Variants in WDR6 observed in about 807,000 individuals in gnomAD.
The protein encoded by WDR6 is WD repeat domain 6, also known as tRNA (34-2'-O)-methyltransferase regulator WDR6.
Under a neutral mutation model 85.6 loss-of-function variants are expected in WDR6, and 58 were observed. The observed-to-expected ratio is 0.68, with a 90% CI of 0.55 to 0.84. WDR6 has a LOEUF of 0.84. Among genes scored for constraint, WDR6 ranks in the 40% least tolerant of loss-of-function variants. The pLI, the probability that WDR6 is intolerant of heterozygous loss-of-function variation, is 0.00. For synonymous variants in WDR6, 569 were observed against 582.2 expected (o/e 0.98, Z 0.33); for missense variants, 1,310 against 1,476.4 (o/e 0.89, Z 1.85).
Position 49,014,805 on chromosome 3 carries a change from C to CCCT in WDR6, c.2903-18_2903-16dup, listed in dbSNP as rs2093042277. Reference sequence around the variant, plus strand: ...GTGGCAGGCGGGGCCCTGACAACTACCCTCTTCCTCTTCCTTCAGGGCTTG... The same window carrying CCCT: ...GTGGCAGGCGGGGCCCTGACAACTACCCTCCTCTTCCTCTTCCTTCAGGGCTTG... On this transcript the variant is annotated intron_variant, in intron 5 of 5. Coordinates refer to ENST00000608424, the MANE Select transcript of WDR6 (RefSeq NM_018031.6). The surrounding 1 kb of genome is among the most constrained non-coding windows in gnomAD (Gnocchi z 4.9). The CCCT allele has an allele frequency of 6.2e-7, 1 of 1,601,642 alleles. No individual in the cohort carries two copies. Among genetic ancestry groups the CCCT allele is most frequent in the African/African-American group, 1.3e-5 (1 of 74,846 alleles).
chr3:49,011,623 G>A lies in WDR6; in HGVS notation c.101-12G>A. Reference sequence around the variant, plus strand: ...GTACCTAGCTCTGACATGGCTCTTTGCCTCTATCTAGGTGAGGGTCCCGAT... The same window carrying A: ...GTACCTAGCTCTGACATGGCTCTTTACCTCTATCTAGGTGAGGGTCCCGAT... On this transcript the variant is annotated splice_polypyrimidine_tract_variant and intron_variant, in intron 1 of 5. Coordinates refer to ENST00000608424, the MANE Select transcript of WDR6 (RefSeq NM_018031.6). The A allele has an allele frequency of 1.9e-6, 3 of 1,612,558 alleles. No individual in the cohort carries two copies. Among genetic ancestry groups the A allele is most frequent in the South Asian group, 1.1e-5 (1 of 91,036 alleles).
intron 1 of WDR6, among the ~76,000 whole-genome samples, chr3:49,008,570 G>C (rs1409352258): frequency 6.6e-6 from 1 of 152,160 alleles, no homozygotes; most frequent in Non-Finnish European, 1.5e-5. Flanking sequence ...CTGGCAAGAG[G>C]GTAAGCATGC....
At position 49,015,560 on chromosome 3, in the gene WDR6, A is replaced by G. The variant is rs749238169; in HGVS notation, c.*272A>G. The G allele has an allele frequency of 5.0e-6, 8 of 1,608,658 alleles. No homozygotes were observed. Among genetic ancestry groups the G allele is most frequent in the Admixed American group, 1.7e-5 (1 of 58,516 alleles). On this transcript the variant is annotated 3_prime_UTR_variant, in exon 6 of 6. Coordinates refer to ENST00000608424, the MANE Select transcript of WDR6 (RefSeq NM_018031.6). ...TTTTCCAGTTGATGACTTTGTGAACATTCCCAGGTATTGGAGCCTCTGTGG... is the reference window on the plus strand; with the variant it reads ...TTTTCCAGTTGATGACTTTGTGAACGTTCCCAGGTATTGGAGCCTCTGTGG...
At position 49,015,928 on chromosome 3, in the gene WDR6, G is replaced by C. The variant is rs1330480783; in HGVS notation, c.*640G>C. On this transcript the variant is annotated 3_prime_UTR_variant, in exon 6 of 6. Transcript: ENST00000608424. ...CTCTTTGCTCTTGTGCCCCAGGCCA[G>C]AATAAAGAATAGAGTGTAGAGTGTC... 4.3e-6 allele frequency: 7 copies of C among 1,614,168 alleles called. No homozygotes were observed. The highest frequency in any genetic ancestry group is 1.3e-5 in the African/African-American group (1 of 75,032).
rs144810327 is a variant in WDR6, at chr3:49,014,952, C to T, written c.3030C>T (p.Phe1010=). The change falls in exon 6 of 6, where the codon TTC becomes TTT. Residue 1010 remains phenylalanine (F), a synonymous_variant. Transcript: ENST00000608424. The surrounding 1 kb of genome is among the most constrained non-coding windows in gnomAD (Gnocchi z 4.9). ...GTGAAGATGGATCCCTCCATGTCTTCGTGCTTGCTGTGGAGATGCTACAGC... is the reference window on the plus strand; with the variant it reads ...GTGAAGATGGATCCCTCCATGTCTTTGTGCTTGCTGTGGAGATGCTACAGC... ...SGSEDGSLHV[F]VLAVEMLQLE... is the part of the protein sequence containing the mutation. The T allele has an allele frequency of 1.1e-5, 17 of 1,614,038 alleles. No homozygotes were observed. Among genetic ancestry groups the T allele is most frequent in the African/African-American group, 2.7e-5 (2 of 74,920 alleles).
chr3:49,014,603 G>T lies in WDR6; in HGVS notation c.2787G>T (p.Arg929Ser). Reference protein sequence around the residue: ...FTHEAPNQRRRLLLCSAATDG... With the variant: ...FTHEAPNQRRSLLLCSAATDG... Reference sequence around the variant, plus strand: ...GCTGTCTTTTCCTGGCTCTCAGGAGGCTCCTCCTGTGCAGCGCAGCTACTG... The same window carrying T: ...GCTGTCTTTTCCTGGCTCTCAGGAGTCTCCTCCTGTGCAGCGCAGCTACTG... Residue 929 changes from arginine (R) to serine (S), a missense_variant, in exon 5 of 6, where the codon AGG (arginine) becomes AGT (serine). Transcript: ENST00000608424. The surrounding 1 kb of genome is among the most constrained non-coding windows in gnomAD (Gnocchi z 4.9). 2 of 1,613,516 alleles carry T rather than the reference G, an allele frequency of 1.2e-6. No homozygotes were observed. Among genetic ancestry groups the T allele is most frequent in the Non-Finnish European group, 8.5e-7 (1 of 1,179,956 alleles).
At position 49,013,065 on chromosome 3, in the gene WDR6, C is replaced by G; in HGVS notation, c.1531C>G (p.Arg511Gly). The change falls in exon 2 of 6, where the codon CGC (arginine) becomes GGC (glycine). Residue 511 changes from arginine (R) to glycine (G), a missense_variant. Transcript: ENST00000608424. This position sits in a 1 kb window ranked among gnomAD's most constrained non-coding sequence, Gnocchi z 4.6. The stretch of plus-strand genomic sequence containing the variant: ...AGGTGACTTCCTGGTGTGTGGTGAC[C>G]GCCGGGGCTCTGTGCTGCTATTCCC... ...PPGDFLVCGDRRGSVLLFPSR... is the reference protein window; with the variant it reads ...PPGDFLVCGDGRGSVLLFPSR... 2 of 1,611,200 alleles carry G rather than the reference C, an allele frequency of 1.2e-6. No individual in the cohort carries two copies. Among genetic ancestry groups the G allele is most frequent in the Middle Eastern group, 1.7e-4 (1 of 6,052 alleles).
In WDR6 at chr3:49,014,782, G is replaced by C. The variant is rs765411882; in HGVS notation, c.2903-43G>C. On this transcript the variant is annotated intron_variant, in intron 5 of 5. Coordinates refer to ENST00000608424, the MANE Select transcript of WDR6 (RefSeq NM_018031.6). This position sits in a 1 kb window ranked among gnomAD's most constrained non-coding sequence, Gnocchi z 4.9. ...CCTGTCACATAGCCCTCACACATGT[G>C]GCAGGCGGGGCCCTGACAACTACCC... 1 of 1,605,070 alleles carries C rather than the reference G, an allele frequency of 6.2e-7. No individual in the cohort carries two copies. Among genetic ancestry groups the C allele is most frequent in the Non-Finnish European group, 8.5e-7 (1 of 1,174,232 alleles).
intron 1 of WDR6, among the ~76,000 whole-genome samples, chr3:49,010,887 G>T (rs2093010662): frequency 6.6e-6 from 1 of 150,414 alleles, no homozygotes; most frequent in South Asian, 2.1e-4. Context: ...TGTGGTGGTG[G>T]GCGCCTGTAA....
In WDR6 at chr3:49,013,724, G is replaced by A; in HGVS notation, c.2190G>A (p.Leu730=). The A allele has an allele frequency of 3.7e-6, 6 of 1,614,080 alleles. No individual in the cohort carries two copies. The highest frequency in any genetic ancestry group is 5.1e-6 in the Non-Finnish European group (6 of 1,179,942). Residue 730 remains leucine (L), a synonymous_variant, in exon 2 of 6, where the codon CTG becomes CTA. Transcript: ENST00000608424. The surrounding 1 kb of genome is among the most constrained non-coding windows in gnomAD (Gnocchi z 4.6). ...GVPSFMQPDD[L]EPGSEGPDLT... ...CCAGCTTCATGCAGCCTGATGACCT[G>A]GAGCCTGGCAGTGAGGGGCCCGACT...
In WDR6 at chr3:49,011,724, C is replaced by G; in HGVS notation, c.190C>G (p.Leu64Val). The G allele has an allele frequency of 1.9e-6, 3 of 1,614,214 alleles. No homozygotes were observed. In the South Asian group the frequency reaches 3.3e-5, roughly 18 times the overall value. ...AGTGCAGAACCTGCTTGGCCACTATCTTATCCATGGCTTCCGGGTACGGCC... is the reference window on the plus strand; with the variant it reads ...AGTGCAGAACCTGCTTGGCCACTATGTTATCCATGGCTTCCGGGTACGGCC... ...KRVQNLLGHY[L>V]IHGFRVRPEP... The change falls in exon 2 of 6, where the codon CTT (leucine) becomes GTT (valine). Residue 64 changes from leucine (L) to valine (V), a missense_variant. Transcript: ENST00000608424.
In WDR6 at chr3:49,015,712, AAG is replaced by A; in HGVS notation, c.*428_*429del. On this transcript the variant is annotated 3_prime_UTR_variant, in exon 6 of 6. Transcript: ENST00000608424. ...AAAGAGGTGTGGTCGAGGCTCCTGA[AAG>A]AGAAAGGGCCTGCTGGTCTCATCCT... 6.2e-7 allele frequency: 1 copy of A among 1,614,002 alleles called. No individual in the cohort carries two copies. The highest frequency in any genetic ancestry group is 8.5e-7 in the Non-Finnish European group (1 of 1,179,990).
At chr3:49,011,293 A>G (rs1036433148) in intron 1 of WDR6, 7 of 473,962 alleles carry the variant, frequency 1.5e-5, no homozygotes, top group African/African-American at 2.0e-5. Context: ...TGGCCAGGCT[A>G]GTCCTGAACC....
chr3:49,014,633 C>T lies in WDR6; in HGVS notation c.2817C>T (p.Gly939=). 6.2e-7 allele frequency: 1 copy of T among 1,613,668 alleles called. No individual in the cohort carries two copies. Among genetic ancestry groups the T allele is most frequent in the East Asian group, 2.2e-5 (1 of 44,880 alleles). Residue 939 remains glycine (G), a synonymous_variant, in exon 5 of 6, where the codon GGC becomes GGT. Coordinates refer to ENST00000608424, the MANE Select transcript of WDR6 (RefSeq NM_018031.6). This position sits in a 1 kb window ranked among gnomAD's most constrained non-coding sequence, Gnocchi z 4.9. ...TCCTGTGCAGCGCAGCTACTGATGG[C>T]AGCCTGGCTTTCTGGGATCTCACCA... ...RLLLCSAATD[G]SLAFWDLTTM...
At position 49,012,029 on chromosome 3, in the gene WDR6, G is replaced by A. The variant is rs763395209; in HGVS notation, c.495G>A (p.Leu165=). Residue 165 remains leucine, a synonymous_variant, in exon 2 of 6, where the codon CTG becomes CTA. Coordinates refer to ENST00000608424, the MANE Select transcript of WDR6 (RefSeq NM_018031.6). The surrounding 1 kb of genome is among the most constrained non-coding windows in gnomAD (Gnocchi z 4.4). The part of the protein sequence containing the change: ...TDRCTLSSAC[L]IGDAWKELTI... ...GGTGCACCCTCTCTTCAGCCTGCCTGATTGGAGACGCCTGGAAGGAGCTGA... is the reference window on the plus strand; with the variant it reads ...GGTGCACCCTCTCTTCAGCCTGCCTAATTGGAGACGCCTGGAAGGAGCTGA... 6.2e-7 allele frequency: 1 copy of A among 1,614,042 alleles called. No individual in the cohort carries two copies. The highest frequency in any genetic ancestry group is 1.3e-5 in the African/African-American group (1 of 74,950).
chr3:49,013,163 G>C lies in WDR6; in HGVS notation c.1629G>C (p.Val543=), dbSNP rs754479596. Residue 543 remains valine, a synonymous_variant, in exon 2 of 6, where the codon GTG becomes GTC. Coordinates refer to ENST00000608424, the MANE Select transcript of WDR6 (RefSeq NM_018031.6). This position sits in a 1 kb window ranked among gnomAD's most constrained non-coding sequence, Gnocchi z 4.6. ...KARAGAGAPV[V]GSGSSGGGNA... ...GGGCTGGTGCTGGGGCACCTGTAGT[G>C]GGTAGTGGTAGTAGTGGGGGTGGGA... 1.2e-6 allele frequency: 2 copies of C among 1,611,516 alleles called. No individual in the cohort carries two copies. The highest frequency in any genetic ancestry group is 1.7e-6 in the Non-Finnish European group (2 of 1,178,452).
chr3:49,009,938 G>C (rs1385969787), intron 1 of WDR6, among the ~76,000 whole-genome samples: 2 of 151,796 alleles, frequency 1.3e-5, no homozygotes, highest in Non-Finnish European at 2.9e-5. Flanking sequence ...CTGTTGCCCA[G>C]GCTGGTCTCA....
Position 49,014,263 on chromosome 3 carries a change from T to C in WDR6, c.2636T>C (p.Val879Ala). The C allele has an allele frequency of 1.2e-6, 2 of 1,614,144 alleles. No individual in the cohort carries two copies. Among genetic ancestry groups the C allele is most frequent in the African/African-American group, 1.3e-5 (1 of 75,026 alleles). ...GACCAGCCCGGCCTTGGCCCCCTTG[T>C]GGCTGCAGCCTGTAGTGATGGGGCC... is the stretch of plus-strand genomic sequence containing the variant. Reference protein sequence around the residue: ...ELDQPGLGPLVAAACSDGAVR... With the variant: ...ELDQPGLGPLAAAACSDGAVR... Residue 879 changes from valine to alanine, a missense_variant, in exon 3 of 6, where the codon GTG becomes GCG. By Grantham distance (64) the Val-to-Ala change is moderately conservative. Coordinates refer to ENST00000608424, the MANE Select transcript of WDR6 (RefSeq NM_018031.6). This position sits in a 1 kb window ranked among gnomAD's most constrained non-coding sequence, Gnocchi z 4.9.
In WDR6 at chr3:49,014,427, C is replaced by G. The variant is rs749558165; in HGVS notation, c.2711C>G (p.Ala904Gly). 3.1e-6 allele frequency: 5 copies of G among 1,614,042 alleles called. No individual in the cohort carries two copies. In the South Asian group the frequency reaches 5.5e-5, roughly 18 times the overall value. Residue 904 changes from alanine (A) to glycine (G), a missense_variant, in exon 4 of 6, where the codon GCT (alanine) becomes GGT (glycine). By Grantham distance (60) the Ala-to-Gly change is moderately conservative. Transcript: ENST00000608424. This position sits in a 1 kb window ranked among gnomAD's most constrained non-coding sequence, Gnocchi z 4.9. ...TCTGGGCGGATTCTGCAGCTCCTTG[C>G]TGAAACCTTCCACCATAAGCGATGT... Reference protein sequence around the residue: ...QDSGRILQLLAETFHHKRCVL... With the variant: ...QDSGRILQLLGETFHHKRCVL...
Sources: gnomAD v4.1 joint callset for allele counts (sites outside exome capture counted in the v4.1 genomes callset) on GRCh38, gnomAD v4.1.1 for gene constraint, Gnocchi (gnomAD v3.1) non-coding constraint, MANE v1.5 for transcripts, NCBI Gene and HGNC (gene_info 2026-07-23, HGNC 2026-07-21) for gene names.